ZNF655: variants seen among roughly 807,000 people sequenced by gnomAD.
ZNF655 encodes the protein zinc finger protein 655.
ZNF655 carries 3 observed loss-of-function variants against 6.6 expected under a neutral mutation model. That is an observed-to-expected ratio of 0.46 (90% confidence interval 0.21 to 1.18). The LOEUF is 1.18. Among genes scored for constraint, ZNF655 ranks in the 50% most tolerant of loss-of-function variants. The pLI is 0.24. For missense variants in ZNF655, 526 were observed against 572.3 expected (o/e 0.92, Z 0.83); for synonymous variants, 178 against 195.0 (o/e 0.91, Z 0.73).
intron 1 of ZNF655, among the ~76,000 whole-genome samples, chr7:99,560,280 C>T (rs1326628211): frequency 6.6e-6 from 1 of 151,864 alleles, no homozygotes; most frequent in African/African-American, 2.4e-5. Flanking sequence ...GAAGAAGTTG[C>T]ACCATGTTGA....
intron 2 of ZNF655, chr7:99,562,031 C>T (rs1803224725): frequency 2.1e-6 from 3 of 1,408,860 alleles, no homozygotes; most frequent in East Asian, 5.2e-5. Context: ...TGGAGTGTGG[C>T]CTCTCTCTCA....
At chr7:99,562,741 T>C (rs987701422) in intron 2 of ZNF655, among the ~76,000 whole-genome samples, 1 of 152,158 alleles carries the variant, frequency 6.6e-6, no homozygotes, top group Non-Finnish European at 1.5e-5. Context: ...GGGGCATCTT[T>C]TCCCTTTTAG....
chr7:99,573,057 C>T lies in ZNF655; in HGVS notation c.949C>T (p.His317Tyr), dbSNP rs150379517. The T allele has an allele frequency of 8.6e-5, 139 of 1,614,094 alleles. 1 individual carries two copies. In the South Asian group the frequency reaches 1.1e-3, roughly 13 times the overall value. The change falls in exon 3 of 3, where the codon CAC becomes TAC. Residue 317 changes from histidine to tyrosine, a missense_variant. By Grantham distance (83) the His-to-Tyr change is moderately conservative (BLOSUM62 2). Transcript: ENST00000252713. ...TGAAAGAGTCTTCAGTCGTAGTGTCCACCTTACTCAACATCAGAAAATTCA... is the reference window on the plus strand; with the variant it reads ...TGAAAGAGTCTTCAGTCGTAGTGTCTACCTTACTCAACATCAGAAAATTCA... ...SCERVFSRSV[H>Y]LTQHQKIHKE... is the part of the protein sequence containing the mutation.
At chr7:99,564,616 T>C (rs1803481230) in intron 2 of ZNF655, 1 of 985,304 alleles carries the variant, frequency 1.0e-6, no homozygotes. Context: ...GAATATCTAC[T>C]TAATAACTTT....
chr7:99,571,703 A>G, intron 2 of ZNF655: 1 of 1,609,070 alleles, frequency 6.2e-7, no homozygotes, highest in South Asian at 1.1e-5. Flanking sequence ...CCAATTTCCA[A>G]GCCTGATGGG....
chr7:99,573,739 A>T lies in ZNF655; in HGVS notation c.*155A>T. 1.2e-6 allele frequency: 1 copy of T among 846,060 alleles called. No homozygotes were observed. Among genetic ancestry groups the T allele is most frequent in the Non-Finnish European group, 1.8e-6 (1 of 555,260 alleles). The allele number at this position is 846,060 out of a possible 1,614,324, so 52.4% of individuals were successfully genotyped here. ...CATCAGATAATTCACACCAGAGAGA[A>T]ACCCTCTGAATGTGACGAATGAAGA... On this transcript the variant is annotated 3_prime_UTR_variant, in exon 3 of 3. Transcript: ENST00000252713.
chr7:99,562,618 T>A, intron 2 of ZNF655: 1 of 922,038 alleles, frequency 1.1e-6, no homozygotes, highest in African/African-American at 1.7e-5. Flanking sequence ...TTAGAACCTC[T>A]GAATCCTTAT....
intron 2 of ZNF655, chr7:99,571,764 T>C: frequency 6.2e-7 from 1 of 1,608,638 alleles, no homozygotes; most frequent in Non-Finnish European, 8.5e-7. Flanking sequence ...AAACTAAGAC[T>C]AGAGAAGTCT....
intron 1 of ZNF655, 122 bp from the exon 2 acceptor site, chr7:99,560,411 C>A: frequency 9.9e-7 from 1 of 1,013,494 alleles, no homozygotes; most frequent in Non-Finnish European, 1.4e-6. Flanking sequence ...GGTGGTTAAT[C>A]ATTATCAACT....
At chr7:99,560,376 C>T (rs1803029852) in intron 1 of ZNF655, 157 bp from the exon 2 acceptor site, 2 of 663,336 alleles carry the variant, frequency 3.0e-6, no homozygotes, top group Admixed American at 3.7e-5. Flanking sequence ...CTGCGCCTGG[C>T]CCCATTTTTC....
intron 2 of ZNF655, chr7:99,564,135 C>T (rs1803450409): frequency 1.3e-6 from 2 of 1,499,446 alleles, no homozygotes; most frequent in East Asian, 2.4e-5. Context: ...CCTCAAATTA[C>T]CTCTGTTTAA....
intron 1 of ZNF655, chr7:99,559,062 A>G (rs1011398850): frequency 1.3e-5 from 2 of 152,328 alleles, no homozygotes; most frequent in African/African-American, 2.4e-5. Context: ...GCCTTGGCCT[A>G]AAAGGGAAGT....
At chr7:99,568,167 A>G (rs1803776746) in intron 2 of ZNF655, among the ~76,000 whole-genome samples, 1 of 152,062 alleles carries the variant, frequency 6.6e-6, no homozygotes. Flanking sequence ...ATTTTTTAAT[A>G]CAAATAAAAA....
intron 2 of ZNF655, among the ~76,000 whole-genome samples, chr7:99,566,021 A>ATGTGTGTGTGTG (rs34698828): frequency 1.7e-3 from 251 of 149,966 alleles, no homozygotes; most frequent in South Asian, 7.4e-3. Flanking sequence ...GGACATTTAT[A>ATGTGTGTGTGTG]TGTGTGTGTG....
chr7:99,562,249 C>G (rs1017319102), intron 2 of ZNF655: 3 of 1,294,838 alleles, frequency 2.3e-6, no homozygotes, highest in Non-Finnish European at 3.2e-6. Context: ...AGGTTCTAAT[C>G]TGTTCTCCCT....
chr7:99,561,491 G>A (rs1803162265), intron 2 of ZNF655, among the ~76,000 whole-genome samples: 1 of 152,178 alleles, frequency 6.6e-6, no homozygotes, highest in Non-Finnish European at 1.5e-5. Flanking sequence ...CAAGAGAAAC[G>A]CTGATCAAGT....
At chr7:99,567,580 A>G (rs1803726482) in intron 2 of ZNF655, among the ~76,000 whole-genome samples, 1 of 152,016 alleles carries the variant, frequency 6.6e-6, no homozygotes, top group South Asian at 2.1e-4. Flanking sequence ...ACCTGCTACT[A>G]ATGCTTTCTT....
At position 99,574,248 on chromosome 7, in the gene ZNF655, G is replaced by A. The variant is rs940091424; in HGVS notation, c.*664G>A. 7.9e-5 allele frequency: 12 copies of A among 152,124 alleles called. No homozygotes were observed. Among genetic ancestry groups the A allele is most frequent in the African/African-American group, 2.7e-4 (11 of 41,418 alleles). The allele number at this position is 152,124 out of a possible 1,614,324, so 9.4% of individuals were successfully genotyped here. ...TCGAAATAATGGAGAGAAAATTGTTGATTATTTGTTTATGAAATTGTTAAT... is the reference window on the plus strand; with the variant it reads ...TCGAAATAATGGAGAGAAAATTGTTAATTATTTGTTTATGAAATTGTTAAT... On this transcript the variant is annotated 3_prime_UTR_variant, in exon 3 of 3. Coordinates refer to ENST00000252713, the MANE Select transcript of ZNF655 (RefSeq NM_138494.3).
intron 2 of ZNF655, chr7:99,563,838 A>G (rs756210129): frequency 2.8e-5 from 45 of 1,593,898 alleles, no homozygotes; most frequent in Non-Finnish European, 3.6e-5. Flanking sequence ...TGTGTTTTCC[A>G]TTCCTGGCTC....
Sources: allele counts gnomAD v4.1 joint callset (sites outside exome capture counted in the v4.1 genomes callset), GRCh38; gene constraint gnomAD v4.1.1; transcripts MANE v1.5; gene names NCBI Gene and HGNC (gene_info 2026-07-23, HGNC 2026-07-21).